Variants in CD28 observed in about 807,000 individuals in gnomAD.
CD28 encodes T-cell-specific surface glycoprotein CD28.
A neutral mutation model predicts 21.4 loss-of-function variants in CD28; 8 were observed. That is an observed-to-expected ratio of 0.37 (90% confidence interval 0.22 to 0.68). The LOEUF is 0.68. Among genes scored for constraint, CD28 ranks in the 30% least tolerant of loss-of-function variants. The probability of loss-of-function intolerance (pLI) is 0.55; values close to 1 mark genes in which losing one functional copy is unlikely to be tolerated. For missense variants in CD28, 239 were observed against 272.2 expected, an observed-to-expected ratio of 0.88 and a Z score of 0.86; for synonymous variants, 106 against 104.0, an observed-to-expected ratio of 1.02 and a Z score of -0.12.
intron 3 of CD28, among the ~76,000 whole-genome samples, chr2:203,732,253 G>A (rs866501941): frequency 6.6e-6 from 1 of 152,154 alleles, no homozygotes; most frequent in Middle Eastern, 3.4e-3. Context: ...TAGGCTGAGC[G>A]GGTTTCTGGG....
chr2:203,722,527 G>A (rs1323361382), intron 1 of CD28, among the ~76,000 whole-genome samples: 2 of 152,136 alleles, frequency 1.3e-5, no homozygotes, highest in African/African-American at 2.4e-5. Context: ...CAATACAGCC[G>A]AATCACCATC....
rs758075207 is a variant in CD28 at position 203,726,887 on chromosome 2, T to G, written c.307T>G (p.Tyr103Asp). The G allele has an allele frequency of 1.7e-5, 27 of 1,613,862 alleles. No homozygotes were observed. The Admixed American group carries it at 4.2e-4, about 25-fold the overall frequency. The change falls in exon 2 of 4, where the codon TAT (tyrosine) becomes GAT (aspartate). Residue 103 changes from tyrosine (Y) to aspartate (D), a missense_variant. This residue lies in a region of CD28 where 23 missense variants were observed against 50.9 expected (regional missense o/e 0.45). Coordinates refer to ENST00000324106, the MANE Select transcript of CD28 (RefSeq NM_006139.4). Reference sequence around the variant, plus strand: ...AGTGACATTCTACCTCCAGAATTTGTATGTTAACCAAACAGATATTTACTT... The same window carrying G: ...AGTGACATTCTACCTCCAGAATTTGGATGTTAACCAAACAGATATTTACTT... ...ESVTFYLQNL[Y>D]VNQTDIYFCK...
chr2:203,713,342 CTG>C (rs758358118), intron 1 of CD28, among the ~76,000 whole-genome samples: 4 of 152,078 alleles, frequency 2.6e-5, no homozygotes, highest in Non-Finnish European at 4.4e-5. Context: ...GAGGGCATAA[CTG>C]TAGAAAAACA....
At position 203,726,895 on chromosome 2, in the gene CD28, C is replaced by T. The variant is rs1693768467; in HGVS notation, c.315C>T (p.Asn105=). The T allele has an allele frequency of 6.2e-7, 1 of 1,613,728 alleles. No individual in the cohort carries two copies. Among genetic ancestry groups the T allele is most frequent in the Non-Finnish European group, 8.5e-7 (1 of 1,179,634 alleles). ...TCTACCTCCAGAATTTGTATGTTAA[C>T]CAAACAGATATTTACTTCTGCAAAA... ...VTFYLQNLYV[N]QTDIYFCKIE... The change falls in exon 2 of 4, where the codon AAC becomes AAT. Residue 105 remains asparagine (N), a synonymous_variant. Coordinates refer to ENST00000324106, the MANE Select transcript of CD28 (RefSeq NM_006139.4).
chr2:203,738,804 T>C lies in CD28; in HGVS notation c.*3892T>C, dbSNP rs1258095033. On this transcript the variant is annotated 3_prime_UTR_variant, in exon 4 of 4. Coordinates refer to ENST00000324106, the MANE Select transcript of CD28 (RefSeq NM_006139.4). Reference sequence around the variant, plus strand: ...TACATTAGACATTTTTCTTATTTATTTGTAGTTTATAAGCTTCATGAGGCA... The same window carrying C: ...TACATTAGACATTTTTCTTATTTATCTGTAGTTTATAAGCTTCATGAGGCA... 6.6e-6 allele frequency: 1 copy of C among 152,200 alleles called. No homozygotes were observed. The highest frequency in any genetic ancestry group is 1.5e-5 in the Non-Finnish European group (1 of 68,026). 9.4% of individuals were successfully genotyped at this position (152,200 alleles called of 1,614,324 possible).
intron 1 of CD28, 74 bp from the exon 2 acceptor site, chr2:203,726,559 A>G: frequency 2.0e-6 from 2 of 1,008,304 alleles, no homozygotes; most frequent in Non-Finnish European, 3.0e-6. Flanking sequence ...TTAGTTAATT[A>G]ATATATTTTG....
intron 1 of CD28, among the ~76,000 whole-genome samples, chr2:203,721,400 G>GT (rs1424090105): frequency 2.6e-5 from 4 of 152,054 alleles, no homozygotes; most frequent in African/African-American, 9.7e-5. Context: ...CTTGTCTTTT[G>GT]TAACTCATGG....
chr2:203,723,379 C>T (rs898532459), intron 1 of CD28, among the ~76,000 whole-genome samples: 3 of 151,246 alleles, frequency 2.0e-5, no homozygotes, highest in Admixed American at 6.6e-5. Context: ...TCCAGCTACT[C>T]GGGAGGCTGA....
chr2:203,721,352 A>C (rs543057546), intron 1 of CD28, among the ~76,000 whole-genome samples: 1 of 152,160 alleles, frequency 6.6e-6, no homozygotes, highest in Non-Finnish European at 1.5e-5. Flanking sequence ...AGAGAGCCCA[A>C]GCTCTCTAAT....
chr2:203,719,129 T>C (rs1347816352), intron 1 of CD28, among the ~76,000 whole-genome samples: 1 of 152,200 alleles, frequency 6.6e-6, no homozygotes, highest in Non-Finnish European at 1.5e-5. Flanking sequence ...AACAAAGTTG[T>C]TTTTCTGTCC....
Position 203,738,223 on chromosome 2 carries a change from C to A in CD28, c.*3311C>A, listed in dbSNP as rs1267727604. On this transcript the variant is annotated 3_prime_UTR_variant, in exon 4 of 4. Coordinates refer to ENST00000324106, the MANE Select transcript of CD28 (RefSeq NM_006139.4). ...TCCCTCGGGTTAACTAACTGAGCCA[C>A]CGGTCCTCATGGCTATTTTAATGAG... is the stretch of plus-strand genomic sequence containing the variant. The A allele has an allele frequency of 6.6e-6, 1 of 152,188 alleles. No individual in the cohort carries two copies. Among genetic ancestry groups the A allele is most frequent in the Admixed American group, 6.5e-5 (1 of 15,282 alleles). 9.4% of individuals were successfully genotyped at this position (152,188 alleles called of 1,614,324 possible).
intron 1 of CD28, among the ~76,000 whole-genome samples, chr2:203,715,067 G>A (rs1463565441): frequency 1.3e-5 from 2 of 152,162 alleles, no homozygotes; most frequent in Non-Finnish European, 2.9e-5. Context: ...ATGTACTGTT[G>A]TCTTCATCAC....
At chr2:203,731,036 A>G (rs1693876484) in intron 3 of CD28, among the ~76,000 whole-genome samples, 1 of 152,234 alleles carries the variant, frequency 6.6e-6, no homozygotes, top group South Asian at 2.1e-4. Context: ...GCAGTTCAGA[A>G]GACCCTAGGG....
In CD28 at chr2:203,738,467, C is replaced by G. The variant is rs1383607832; in HGVS notation, c.*3555C>G. 6.6e-6 allele frequency: 1 copy of G among 152,150 alleles called. No individual in the cohort carries two copies. Among genetic ancestry groups the G allele is most frequent in the Non-Finnish European group, 1.5e-5 (1 of 68,036 alleles). The allele number at this position is 152,150 out of a possible 1,614,324, so 9.4% of individuals were successfully genotyped here. A position where few individuals can be genotyped will look rare whatever the true frequency, so the allele number is the denominator to read the frequency against. On this transcript the variant is annotated 3_prime_UTR_variant, in exon 4 of 4. Transcript: ENST00000324106. ...GAGAGTGACACACACTCTCTCAAGA[C>G]CTGGGGTGAGGGAGTCTGTGTTATC... is the stretch of plus-strand genomic sequence containing the variant.
intron 1 of CD28, among the ~76,000 whole-genome samples, chr2:203,710,063 A>G (rs1033547978): frequency 6.6e-6 from 1 of 152,240 alleles, no homozygotes; most frequent in Non-Finnish European, 1.5e-5. Flanking sequence ...GTATACGGAA[A>G]GAAGTAATTT....
At chr2:203,724,167 A>T (rs1438107606) in intron 1 of CD28, among the ~76,000 whole-genome samples, 3 of 152,216 alleles carry the variant, frequency 2.0e-5, no homozygotes, top group Non-Finnish European at 4.4e-5. Flanking sequence ...TTATAAAAAA[A>T]GTCCAGAATA....
At chr2:203,726,097 G>C (rs752299505) in intron 1 of CD28, among the ~76,000 whole-genome samples, 5 of 152,096 alleles carry the variant, frequency 3.3e-5, no homozygotes, top group Non-Finnish European at 7.4e-5. Context: ...TGTAATCCCA[G>C]CTACTTAAGA....
At chr2:203,734,511 T>C (rs1016305545) in intron 3 of CD28, among the ~76,000 whole-genome samples, 1 of 152,200 alleles carries the variant, frequency 6.6e-6, no homozygotes, top group African/African-American at 2.4e-5. Flanking sequence ...GATATGTTAA[T>C]TAGTGTGCAT....
At chr2:203,727,921 C>T (rs1693795831) in intron 2 of CD28, among the ~76,000 whole-genome samples, 1 of 152,162 alleles carries the variant, frequency 6.6e-6, no homozygotes, top group Non-Finnish European at 1.5e-5. Flanking sequence ...TCGTGACCCG[C>T]CCGTGTTGGC....
Sources: allele counts gnomAD v4.1 joint callset (sites outside exome capture counted in the v4.1 genomes callset), GRCh38; gene constraint gnomAD v4.1.1; regional missense constraint gnomAD v4.1.1; transcripts MANE v1.5; gene names NCBI Gene and HGNC (gene_info 2026-07-23, HGNC 2026-07-21).